PLGRKT: variants seen among roughly 807,000 people sequenced by gnomAD.
PLGRKT encodes the protein plasminogen receptor (KT).
A neutral mutation model predicts 18.5 loss-of-function variants in PLGRKT; 22 were observed. The ratio of observed to expected loss-of-function variants is 1.19; its 90% CI spans 0.85 to 1.70. The LOEUF (loss-of-function observed/expected upper bound fraction) is 1.70. PLGRKT is among the 40% of genes most tolerant of loss of function. PLGRKT has a pLI of 0.00. For missense variants in PLGRKT, 235 were observed against 174.4 expected (o/e 1.35, Z -1.96); for synonymous variants, 72 against 52.8 (o/e 1.36, Z -1.58).
intron 3 of PLGRKT, among the ~76,000 whole-genome samples, chr9:5,426,747 G>C (rs1401230698): frequency 2.0e-5 from 3 of 152,228 alleles, no homozygotes; most frequent in Admixed American, 2.0e-4. Flanking sequence ...AGTTGTGTTT[G>C]CAGTAAGCAA....
At chr9:5,417,248 C>A (rs1366957839) in intron 3 of PLGRKT, among the ~76,000 whole-genome samples, 3 of 152,020 alleles carry the variant, frequency 2.0e-5, no homozygotes, top group Non-Finnish European at 4.4e-5. Context: ...GTATGTGACC[C>A]CTAATATTTA....
chr9:5,414,181 G>C (rs917944133), intron 3 of PLGRKT, among the ~76,000 whole-genome samples: 1 of 151,978 alleles, frequency 6.6e-6, no homozygotes, highest in Admixed American at 6.6e-5. Flanking sequence ...TTTTTTGTTT[G>C]TTTAAGACGG....
chr9:5,373,044 G>A (rs1817552756), intron 3 of PLGRKT, among the ~76,000 whole-genome samples: 1 of 152,118 alleles, frequency 6.6e-6, no homozygotes, highest in Non-Finnish European at 1.5e-5. Flanking sequence ...AAATTGGGGT[G>A]GAATGGACAG....
At position 5,431,961 on chromosome 9, in the gene PLGRKT, GA is replaced by G; in HGVS notation, c.16del (p.Ser6GlnfsTer4). On this transcript the variant is annotated frameshift_variant, in exon 3 of 6. Coordinates refer to ENST00000223864, the MANE Select transcript of PLGRKT (RefSeq NM_018465.4). LOFTEE classifies it high-confidence loss of function. Reference protein sequence around the residue: MGFIFSKSMNESMKNQ... With the variant: MGFIFXKSMNESMKNQ... ...TTTCATGCTTTCATTCATAGATTTT[GA>G]AAATATAAACCCCATTTTGACCTAA... 1 of 1,522,752 alleles carries G rather than the reference GA, an allele frequency of 6.6e-7. No homozygotes were observed. The highest frequency in any genetic ancestry group is 9.1e-7 in the Non-Finnish European group (1 of 1,098,562). 94.3% of individuals were successfully genotyped at this position (1,522,752 alleles called of 1,614,324 possible). A position where few individuals can be genotyped will look rare whatever the true frequency, so the allele number is the denominator to read the frequency against.
At chr9:5,416,212 T>C (rs1818455875) in intron 3 of PLGRKT, among the ~76,000 whole-genome samples, 1 of 152,182 alleles carries the variant, frequency 6.6e-6, no homozygotes, top group Non-Finnish European at 1.5e-5. Context: ...ATTGTTTTCC[T>C]TAATACTCAA....
intron 3 of PLGRKT, among the ~76,000 whole-genome samples, chr9:5,428,619 G>A (rs1295399561): frequency 2.0e-5 from 3 of 152,326 alleles, no homozygotes; most frequent in Middle Eastern, 3.4e-3. Context: ...CCTAGCTGGA[G>A]ACAGCATAAT....
At chr9:5,384,322 T>C (rs1001008551) in intron 3 of PLGRKT, among the ~76,000 whole-genome samples, 1 of 152,236 alleles carries the variant, frequency 6.6e-6, no homozygotes, top group Non-Finnish European at 1.5e-5. Context: ...AATCTTTTAA[T>C]TATTCCAGAG....
rs1005190227 is a variant in PLGRKT, at chr9:5,375,767, C to T, written c.82-13879G>A. 2.6e-5 allele frequency among the ~76,000 whole-genome samples: 4 copies of T among 152,172 alleles called. No individual in the cohort carries two copies. In the East Asian group the frequency reaches 7.7e-4, roughly 29 times the overall value. On this transcript the variant is annotated intron_variant, in intron 3 of 5. Coordinates refer to ENST00000223864, the MANE Select transcript of PLGRKT (RefSeq NM_018465.4). ...TTGCTGGCAGGAATGTAAAATGATG[C>T]AGTTGCTGTGGAAAATGGTAAGGTG... is the stretch of plus-strand genomic sequence containing the variant.
At chr9:5,367,020 T>TACAC (rs775299015) in intron 3 of PLGRKT, among the ~76,000 whole-genome samples, 1,345 of 58,122 alleles carry the variant, frequency 0.023, 12 homozygotes, top group African/African-American at 0.045. Flanking sequence ...GACAGACAGA[T>TACAC]ACACACACAT....
chr9:5,425,479 G>C (rs58216460), intron 3 of PLGRKT, among the ~76,000 whole-genome samples: 1 of 152,074 alleles, frequency 6.6e-6, no homozygotes, highest in African/African-American at 2.4e-5. Flanking sequence ...ATTTAATTTC[G>C]TTTCCTGATT....
chr9:5,387,606 T>C lies in PLGRKT; in HGVS notation c.82-25718A>G, dbSNP rs569007729. On this transcript the variant is annotated intron_variant, in intron 3 of 5. Coordinates refer to ENST00000223864, the MANE Select transcript of PLGRKT (RefSeq NM_018465.4). ...CGTTAAAATAGGCAAAATTAATTTA[T>C]GGGGATAGAAGTCTAGAGAGTGGTG... Among the ~76,000 whole-genome samples the C allele has an allele frequency of 2.3e-4, 35 of 151,886 alleles. 1 individual carries two copies. Among genetic ancestry groups the C allele is most frequent in the Admixed American group, 9.8e-4 (15 of 15,280 alleles).
At chr9:5,421,003 A>G (rs538967064) in intron 3 of PLGRKT, among the ~76,000 whole-genome samples, 3 of 152,208 alleles carry the variant, frequency 2.0e-5, no homozygotes, top group Non-Finnish European at 4.4e-5. Context: ...AGCACACACT[A>G]TATTTTATGT....
chr9:5,376,465 G>C (rs868086483), intron 3 of PLGRKT, among the ~76,000 whole-genome samples: 13 of 152,252 alleles, frequency 8.5e-5, no homozygotes, highest in Middle Eastern at 3.4e-3. Context: ...CTCTGAGGTT[G>C]TTTTGAGACT....
rs1008544570 is a variant in PLGRKT, at chr9:5,436,594, G to C, written c.-32C>G. The stretch of plus-strand genomic sequence containing the variant: ...CTCTTTCTGGGCCTTGCTCTCCTGG[G>C]TCTGGACTTGTAGTCTGAATGTGTT... On this transcript the variant is annotated 5_prime_UTR_variant, in exon 2 of 6. Coordinates refer to ENST00000223864, the MANE Select transcript of PLGRKT (RefSeq NM_018465.4). The C allele has an allele frequency of 1.1e-4, 17 of 152,368 alleles. No individual in the cohort carries two copies. Among genetic ancestry groups the C allele is most frequent in the African/African-American group, 3.9e-4 (16 of 41,552 alleles). The allele number at this position is 152,368 out of a possible 1,614,324, so 9.4% of individuals were successfully genotyped here.
chr9:5,397,383 C>T (rs1417503675), intron 3 of PLGRKT, among the ~76,000 whole-genome samples: 10 of 152,034 alleles, frequency 6.6e-5, no homozygotes, highest in South Asian at 2.1e-4. Flanking sequence ...TAGCACTTAG[C>T]TCGATTTACA....
In PLGRKT at chr9:5,412,577, T is replaced by G. The variant is rs528789437; in HGVS notation, c.81+19320A>C. Among the ~76,000 whole-genome samples, 37 of 152,340 alleles carry G rather than the reference T, an allele frequency of 2.4e-4. No homozygotes were observed. In the South Asian group the frequency reaches 7.5e-3, roughly 31 times the overall value. ...GTCCTGATGCAGAAGGAAGGAGACT[T>G]CCCAGCCTCTAGAACCATGAGCTAA... On this transcript the variant is annotated intron_variant, in intron 3 of 5. Coordinates refer to ENST00000223864, the MANE Select transcript of PLGRKT (RefSeq NM_018465.4).
intron 3 of PLGRKT, among the ~76,000 whole-genome samples, chr9:5,403,414 G>A (rs1197344278): frequency 1.1e-4 from 17 of 151,852 alleles, no homozygotes; most frequent in East Asian, 3.9e-4. Context: ...TAGTAGAAAC[G>A]GGGTTTCACC....
chr9:5,381,972 G>C (rs1241450984), intron 3 of PLGRKT: 1 of 985,064 alleles, frequency 1.0e-6, no homozygotes. Flanking sequence ...TCAAGCACAA[G>C]GCACTCCTCC....
chr9:5,363,532 G>A (rs971803014), intron 3 of PLGRKT, among the ~76,000 whole-genome samples: 1 of 152,122 alleles, frequency 6.6e-6, no homozygotes, highest in African/African-American at 2.4e-5. Context: ...GGCCGCTGAG[G>A]GAGACGGAAG....
Sources: gnomAD v4.1 joint callset for allele counts (sites outside exome capture counted in the v4.1 genomes callset) on GRCh38, gnomAD v4.1.1 for gene constraint, MANE v1.5 for transcripts, NCBI Gene and HGNC (gene_info 2026-07-23, HGNC 2026-07-21) for gene names.